The following SCARB2 variants were observed in gnomAD, a reference collection of about 807,000 sequenced individuals.
SCARB2 encodes scavenger receptor class B member 2.
A neutral mutation model predicts 58.6 loss-of-function variants in SCARB2; 29 were observed. The observed-to-expected ratio is 0.49, with a 90% CI of 0.37 to 0.67. The LOEUF is 0.67. SCARB2 is among the 30% of genes least tolerant of loss of function. The probability of loss-of-function intolerance (pLI) is 0.00; values close to 1 mark genes in which losing one functional copy is unlikely to be tolerated. For missense variants in SCARB2, 488 were observed against 578.5 expected, an observed-to-expected ratio of 0.84 and a Z score of 1.60; for synonymous variants, 195 against 210.1, an observed-to-expected ratio of 0.93 and a Z score of 0.62.
In SCARB2 at chr4:76,176,479, C is replaced by T. The variant is rs750279263; in HGVS notation, c.662G>A (p.Ser221Asn). ...CACAATTTTTGTAAAGTTAAGGTAA[C>T]TGTCTTCTCCAGTTAGAAAAACATA... ...GDYVFLTGEDSYLNFTKIVEW... is the reference protein window; with the variant it reads ...GDYVFLTGEDNYLNFTKIVEW... Residue 221 changes from serine (S) to asparagine (N), a missense_variant, in exon 5 of 12, where the codon AGT becomes AAT. Ser to Asn is a conservative substitution (Grantham distance 46). Coordinates refer to ENST00000264896, the MANE Select transcript of SCARB2 (RefSeq NM_005506.4). 21 of 1,612,608 alleles carry T rather than the reference C, an allele frequency of 1.3e-5. No individual in the cohort carries two copies. Among genetic ancestry groups the T allele is most frequent in the Non-Finnish European group, 1.5e-5 (18 of 1,179,224 alleles).
intron 3 of SCARB2, chr4:76,180,174 T>G (rs1732350607): frequency 5.2e-6 from 1 of 190,928 alleles, no homozygotes. Context: ...GGTGGGAGAG[T>G]CGGCAGGGGT....
chr4:76,172,218 A>G (rs1350268158), intron 7 of SCARB2, among the ~76,000 whole-genome samples: 1 of 149,042 alleles, frequency 6.7e-6, no homozygotes, highest in Non-Finnish European at 1.5e-5. Flanking sequence ...ATATGTATAT[A>G]TACACATATA....
chr4:76,209,160 G>A (rs1374935847), intron 1 of SCARB2, among the ~76,000 whole-genome samples: 1 of 152,124 alleles, frequency 6.6e-6, no homozygotes, highest in Non-Finnish European at 1.5e-5. Context: ...AAAAATCTCA[G>A]ACTAAGATAA....
intron 6 of SCARB2, chr4:76,175,210 A>G (rs1448649773): frequency 2.6e-5 from 4 of 153,282 alleles, no homozygotes; most frequent in Non-Finnish European, 4.4e-5. Context: ...AATAAAAATT[A>G]TATTATGGAT....
At chr4:76,231,683 A>G (rs1259287777) in intron 1 of SCARB2, among the ~76,000 whole-genome samples, 1 of 152,234 alleles carries the variant, frequency 6.6e-6, no homozygotes, top group Non-Finnish European at 1.5e-5. Flanking sequence ...TTGTTCCACA[A>G]GGAATCAGAT....
At chr4:76,168,321 T>C in intron 9 of SCARB2, 82 bp downstream of exon 9, 1 of 1,046,368 alleles carries the variant, frequency 9.6e-7, no homozygotes, top group Non-Finnish European at 1.5e-6. Flanking sequence ...TGAAGTAGGC[T>C]GTACTCCTCC....
intron 1 of SCARB2, among the ~76,000 whole-genome samples, chr4:76,225,920 G>A (rs13150767): frequency 0.15 from 22,803 of 152,094 alleles, 2,043 homozygotes; most frequent in East Asian, 0.35. Flanking sequence ...ATTTAGGGAG[G>A]ATTTCCTCAT....
At chr4:76,170,136 A>C (rs1732099644) in intron 7 of SCARB2, 151 bp from the exon 8 acceptor site, 1 of 674,438 alleles carries the variant, frequency 1.5e-6, no homozygotes, top group Non-Finnish European at 2.6e-6. Flanking sequence ...ACCATCCTTT[A>C]CCTCCTAGTT....
At chr4:76,225,198 C>G (rs1733373910) in intron 1 of SCARB2, among the ~76,000 whole-genome samples, 1 of 152,150 alleles carries the variant, frequency 6.6e-6, no homozygotes, top group African/African-American at 2.4e-5. Context: ...CTCGTTGGCA[C>G]TTGAGCTGGT....
chr4:76,216,111 TC>T (rs1283308950), upstream of SCARB2, among the ~76,000 whole-genome samples: 1 of 152,242 alleles, frequency 6.6e-6, no homozygotes, highest in East Asian at 1.9e-4. Context: ...TGGTCTCCAG[TC>T]CTCAGGTGTC....
chr4:76,163,078 A>C, intron 11 of SCARB2, 147 bp downstream of exon 11: 1 of 969,094 alleles, frequency 1.0e-6, no homozygotes, highest in East Asian at 2.5e-5. Flanking sequence ...TTGGTCCAGC[A>C]GTAAAATAAG....
At chr4:76,231,061 T>C (rs1733484907) in intron 1 of SCARB2, among the ~76,000 whole-genome samples, 1 of 152,104 alleles carries the variant, frequency 6.6e-6, no homozygotes, top group African/African-American at 2.4e-5. Flanking sequence ...GGGAGTTGCA[T>C]GGACTCCCTA....
At chr4:76,161,909 T>G in intron 11 of SCARB2, 158 bp from the exon 12 acceptor site, 2 of 694,146 alleles carry the variant, frequency 2.9e-6, no homozygotes, top group Middle Eastern at 2.3e-4. Context: ...CTGCTTGTTC[T>G]TGAAGATTCA....
chr4:76,208,191 G>A (rs1732966689), intron 1 of SCARB2, among the ~76,000 whole-genome samples: 1 of 152,152 alleles, frequency 6.6e-6, no homozygotes, highest in African/African-American at 2.4e-5. Context: ...ATCTCCTAGA[G>A]TCTAGGGGCT....
chr4:76,223,714 G>A lies in SCARB2; in HGVS notation c.-358+10589C>T, dbSNP rs150159374. ...AAAGTGTGAGAAGCATAGCAGGTTA[G>A]TCCATAGTCCCTCAAGGCCCAGTCA... is the stretch of plus-strand genomic sequence containing the variant. On this transcript the variant is annotated intron_variant, in intron 1 of 11. Transcript: ENST00000638295. Among the ~76,000 whole-genome samples, 43 of 152,276 alleles carry A rather than the reference G, an allele frequency of 2.8e-4. No homozygotes were observed. In the East Asian group the frequency reaches 8.3e-3, roughly 29 times the overall value.
chr4:76,230,109 T>C (rs1303774570), intron 1 of SCARB2, among the ~76,000 whole-genome samples: 9 of 152,086 alleles, frequency 5.9e-5, no homozygotes, highest in Non-Finnish European at 1.2e-4. Flanking sequence ...TTTATGTCTT[T>C]TGTGATTGGC....
intron 2 of SCARB2, chr4:76,192,226 C>A (rs1046960735): frequency 2.6e-5 from 4 of 152,096 alleles, no homozygotes; most frequent in African/African-American, 2.4e-5. Context: ...CAGAAGAAGA[C>A]AAGAAGATGA....
At chr4:76,174,374 T>C in intron 6 of SCARB2, 61 bp from the exon 7 acceptor site, 1 of 1,524,104 alleles carries the variant, frequency 6.6e-7, no homozygotes, top group Non-Finnish European at 9.1e-7. Flanking sequence ...CTGCCCGAAA[T>C]CCGCAAGTTA....
intron 1 of SCARB2, among the ~76,000 whole-genome samples, chr4:76,207,482 A>T (rs1560720858): frequency 6.6e-6 from 1 of 152,194 alleles, no homozygotes; most frequent in Non-Finnish European, 1.5e-5. Context: ...AATGGTACAC[A>T]CTCAGTAAAT....
Sources: gnomAD v4.1 joint callset for allele counts (sites outside exome capture counted in the v4.1 genomes callset) on GRCh38, gnomAD v4.1.1 for gene constraint, MANE v1.5 for transcripts, NCBI Gene and HGNC (gene_info 2026-07-23, HGNC 2026-07-21) for gene names.